Variants in SULT6B1 observed in about 807,000 individuals in gnomAD.
The protein encoded by SULT6B1 is sulfotransferase family 6B member 1.
SULT6B1 carries 44 observed loss-of-function variants against 37.2 expected under a neutral mutation model. The observed-to-expected ratio is 1.18, with a 90% CI of 0.93 to 1.52. The LOEUF (loss-of-function observed/expected upper bound fraction) is 1.52, where lower values mean the gene tolerates loss of function less well. SULT6B1 is among the 40% of genes most tolerant of loss of function. SULT6B1 has a pLI of 0.00. For missense variants in SULT6B1, 450 were observed against 361.0 expected (o/e 1.25, Z -2.00); for synonymous variants, 140 against 126.0 (o/e 1.11, Z -0.74).
intron 3 of SULT6B1, among the ~76,000 whole-genome samples, chr2:37,181,517 C>T (rs1285798365): frequency 6.6e-6 from 1 of 151,964 alleles, no homozygotes; most frequent in African/African-American, 2.4e-5. Flanking sequence ...GTAGCTGGGA[C>T]CACAGCGGTG....
chr2:37,183,553 T>A, intron 2 of SULT6B1, 39 bp from the exon 3 acceptor site: 2 of 1,453,816 alleles, frequency 1.4e-6, no homozygotes, highest in East Asian at 2.3e-5. Context: ...TGTGCACGTG[T>A]GTGCATGTGT....
intron 6 of SULT6B1, among the ~76,000 whole-genome samples, chr2:37,168,410 G>A (rs1200698804): frequency 6.6e-6 from 1 of 152,026 alleles, no homozygotes. Flanking sequence ...CGCCAGCCTC[G>A]GCCTCCCAAA....
At chr2:37,170,969 T>G (rs984581533) in intron 6 of SULT6B1, among the ~76,000 whole-genome samples, 1 of 151,456 alleles carries the variant, frequency 6.6e-6, no homozygotes, top group African/African-American at 2.4e-5. Context: ...CCGGGCGCGG[T>G]GGCTCACGCC....
At chr2:37,191,680 A>T (rs1445063388), upstream of SULT6B1, among the ~76,000 whole-genome samples, 1 of 152,216 alleles carries the variant, frequency 6.6e-6, no homozygotes, top group Non-Finnish European at 1.5e-5. Context: ...TGGGAATCAA[A>T]CAGCGTGGTC....
intron 1 of SULT6B1, among the ~76,000 whole-genome samples, chr2:37,193,700 T>C (rs567632656): frequency 6.7e-6 from 1 of 149,048 alleles, no homozygotes; most frequent in Admixed American, 6.7e-5. Context: ...AAAAGAAATG[T>C]CTAGGCTTTA....
In SULT6B1 at chr2:37,187,378, A is replaced by G; in HGVS notation, c.289T>C (p.Cys97Arg). ...ACCTGATATTTTTCTGAATCCCCAC[A>G]TTCAAGAACTGGGAATTCTGGATAT... ...YKYPEFPVLE[C>R]GDSEKYQRMK... Residue 97 changes from cysteine to arginine, a missense_variant, in exon 2 of 7, where the codon TGT becomes CGT. Transcript: ENST00000535679. 1 of 1,603,308 alleles carries G rather than the reference A, an allele frequency of 6.2e-7. No homozygotes were observed. Among genetic ancestry groups the G allele is most frequent in the Non-Finnish European group, 8.5e-7 (1 of 1,171,780 alleles).
chr2:37,167,912 T>A lies in SULT6B1; in HGVS notation c.*23A>T. 6.5e-7 allele frequency: 1 copy of A among 1,541,006 alleles called. No individual in the cohort carries two copies. The highest frequency in any genetic ancestry group is 8.7e-7 in the Non-Finnish European group (1 of 1,155,806). ...TAATTATTATTAAGGAAAATAAATC[T>A]AGGCCTGCTGAATTGACTGGAATCA... On this transcript the variant is annotated 3_prime_UTR_variant, in exon 7 of 7. Coordinates refer to ENST00000535679, the MANE Select transcript of SULT6B1 (RefSeq NM_001367551.1).
intron 5 of SULT6B1, among the ~76,000 whole-genome samples, chr2:37,174,227 C>CTTTTT (rs35100458): frequency 1.5e-3 from 86 of 58,400 alleles, no homozygotes; most frequent in Non-Finnish European, 2.0e-3. Flanking sequence ...TCTTCCTATT[C>CTTTTT]TTTTTTTTTT....
At chr2:37,184,147 C>T (rs1174318001) in intron 2 of SULT6B1, among the ~76,000 whole-genome samples, 2 of 152,162 alleles carry the variant, frequency 1.3e-5, no homozygotes, top group African/African-American at 4.8e-5. Context: ...ATCTGAAATA[C>T]ACACTTTCAC....
intron 2 of SULT6B1, among the ~76,000 whole-genome samples, chr2:37,186,882 T>A (rs1647778933): frequency 6.6e-6 from 1 of 152,108 alleles, no homozygotes; most frequent in African/African-American, 2.4e-5. Context: ...GGCAATGAAG[T>A]GAGACTCCAT....
At position 37,188,575 on chromosome 2, in the gene SULT6B1, T is replaced by A; in HGVS notation, c.66A>T (p.Ala22=). The change falls in exon 1 of 7, where the codon GCA becomes GCT. Residue 22 remains alanine, a synonymous_variant. Coordinates refer to ENST00000535679, the MANE Select transcript of SULT6B1 (RefSeq NM_001367551.1). ...GATAGGTGAAAAATAAATGAGAGAG[T>A]GCAGTTTCTTTTGATTTTTCTAAAG... ...DEALEKSKET[A]LSHLFFTYQG... 2.6e-6 allele frequency: 4 copies of A among 1,554,432 alleles called. No homozygotes were observed. Among genetic ancestry groups the A allele is most frequent in the African/African-American group, 1.4e-5 (1 of 73,772 alleles).
At chr2:37,168,881 G>A (rs56391624) in intron 6 of SULT6B1, among the ~76,000 whole-genome samples, 34,689 of 151,978 alleles carry the variant, frequency 0.23, 4,039 homozygotes, top group South Asian at 0.34. Flanking sequence ...TTGCATAGCT[G>A]TTGAAATGTA....
chr2:37,194,607 G>C, intron 1 of SULT6B1: 1 of 360,340 alleles, frequency 2.8e-6, no homozygotes, highest in Non-Finnish European at 5.4e-6. Context: ...CTCTTTGAGT[G>C]CCTGAGGGAC....
chr2:37,172,119 C>T (rs566806885), intron 5 of SULT6B1, among the ~76,000 whole-genome samples: 6 of 151,652 alleles, frequency 4.0e-5, no homozygotes, highest in African/African-American at 4.8e-5. Flanking sequence ...GGCACAATCA[C>T]GGCTCACTGC....
rs760743428 is a variant in SULT6B1, at chr2:37,179,426, A to C, written c.529+32T>G. 10 of 1,611,530 alleles carry C rather than the reference A, an allele frequency of 6.2e-6. No individual in the cohort carries two copies. In the African/African-American group the frequency reaches 8.0e-5, roughly 13 times the overall value. ...TCACATTTATGTGGTCATCTGATCA[A>C]GTAAGAATAATTCTTTTACCAACAG... On this transcript the variant is annotated intron_variant, in intron 4 of 6. Coordinates refer to ENST00000535679, the MANE Select transcript of SULT6B1 (RefSeq NM_001367551.1).
intron 5 of SULT6B1, among the ~76,000 whole-genome samples, chr2:37,172,661 C>T (rs1676330223): frequency 6.6e-6 from 1 of 151,754 alleles, no homozygotes; most frequent in Admixed American, 6.6e-5. Context: ...GTGTGTGCCA[C>T]CACGCCTGGC....
chr2:37,178,920 TCA>T (rs1166112557), intron 4 of SULT6B1, among the ~76,000 whole-genome samples: 1 of 152,162 alleles, frequency 6.6e-6, no homozygotes. Flanking sequence ...CACTCTGTAC[TCA>T]TAGTCAACAT....
chr2:37,191,910 G>T (rs1297635612), upstream of SULT6B1, among the ~76,000 whole-genome samples: 1 of 152,228 alleles, frequency 6.6e-6, no homozygotes, highest in Non-Finnish European at 1.5e-5. Flanking sequence ...GGGGTTGCTG[G>T]CATCCCTGTT....
chr2:37,171,708 C>T (rs1039165899), intron 5 of SULT6B1, 118 bp from the exon 6 acceptor site: 18 of 848,348 alleles, frequency 2.1e-5, no homozygotes, highest in African/African-American at 3.4e-5. Context: ...TCTCATCCCC[C>T]ACTTTAAACT....
Sources: gnomAD v4.1 joint callset for allele counts (sites outside exome capture counted in the v4.1 genomes callset) on GRCh38, gnomAD v4.1.1 for gene constraint, MANE v1.5 for transcripts, NCBI Gene and HGNC (gene_info 2026-07-23, HGNC 2026-07-21) for gene names.